The following VRK2 variants were observed in gnomAD, a reference collection of about 807,000 sequenced individuals.
VRK2 encodes the protein serine/threonine-protein kinase VRK2.
VRK2 carries 60 observed loss-of-function variants against 57.6 expected under a neutral mutation model. The observed-to-expected ratio is 1.04, with a 90% CI of 0.85 to 1.29. The LOEUF (loss-of-function observed/expected upper bound fraction) is 1.29. Among genes scored for constraint, VRK2 ranks in the 50% most tolerant of loss-of-function variants. The pLI is 0.00. For synonymous variants in VRK2, 231 were observed against 199.2 expected (o/e 1.16, Z -1.35); for missense variants, 705 against 588.1 (o/e 1.20, Z -2.06).
chr2:58,071,860 C>A (rs1669405236), intron 2 of VRK2, among the ~76,000 whole-genome samples: 1 of 151,908 alleles, frequency 6.6e-6, no homozygotes, highest in South Asian at 2.1e-4. Flanking sequence ...CTTTATATAT[C>A]AAGTTGAGGA....
intron 1 of VRK2, among the ~76,000 whole-genome samples, chr2:57,977,748 T>A (rs1355623105): frequency 6.6e-6 from 1 of 151,200 alleles, no homozygotes; most frequent in African/African-American, 2.5e-5. Context: ...GGGCTTCCAG[T>A]ACGATGTTGA....
intron 12 of VRK2, among the ~76,000 whole-genome samples, chr2:58,156,583 T>TTTTTGTTTTGTTTTG (rs200825336): frequency 6.9e-6 from 1 of 145,044 alleles, no homozygotes; most frequent in East Asian, 1.9e-4. Flanking sequence ...GGTGGTGTTT[T>TTTTTGTTTTGTTTTG]TTTTGTTTTG....
intron 2 of VRK2, among the ~76,000 whole-genome samples, chr2:58,071,326 T>C (rs1372093681): frequency 1.3e-5 from 2 of 152,102 alleles, no homozygotes; most frequent in African/African-American, 4.8e-5. Context: ...TTAACAGTTC[T>C]TTTCTTGCAT....
intron 10 of VRK2, among the ~76,000 whole-genome samples, chr2:58,138,908 T>C (rs1011163416): frequency 2.0e-5 from 3 of 152,190 alleles, no homozygotes; most frequent in African/African-American, 7.2e-5. Context: ...TACAAATATT[T>C]TAATGCAGTG....
intron 7 of VRK2, among the ~76,000 whole-genome samples, chr2:58,119,148 TAC>T (rs1179914461): frequency 6.6e-6 from 1 of 152,058 alleles, no homozygotes; most frequent in Non-Finnish European, 1.5e-5. Flanking sequence ...CGAGCAGAAG[TAC>T]AGAGAGAGAT....
chr2:58,048,458 C>A (rs563484653), intron 1 of VRK2: 2 of 846,702 alleles, frequency 2.4e-6, no homozygotes, highest in South Asian at 3.3e-5. Flanking sequence ...TCAGTGACAG[C>A]AATATTTCCA....
chr2:57,961,486 A>G (rs1292896159), intron 1 of VRK2, among the ~76,000 whole-genome samples: 1 of 152,214 alleles, frequency 6.6e-6, no homozygotes, highest in Non-Finnish European at 1.5e-5. Context: ...CAAGTCACAC[A>G]GCTAGGAAAT....
chr2:57,983,641 T>C (rs1446686022), intron 1 of VRK2, among the ~76,000 whole-genome samples: 1 of 152,204 alleles, frequency 6.6e-6, no homozygotes, highest in Non-Finnish European at 1.5e-5. Context: ...TTTCTCCTGC[T>C]GAAAAGTTTA....
chr2:58,111,924 T>G (rs1675630443), intron 7 of VRK2, among the ~76,000 whole-genome samples: 1 of 152,150 alleles, frequency 6.6e-6, no homozygotes, highest in Non-Finnish European at 1.5e-5. Context: ...TCACATATGG[T>G]TCTCTGTTAC....
chr2:58,054,074 A>T (rs1438176940), intron 2 of VRK2, among the ~76,000 whole-genome samples: 3 of 152,000 alleles, frequency 2.0e-5, no homozygotes, highest in African/African-American at 7.2e-5. Flanking sequence ...TTTATATTTA[A>T]ATTTTGAGTT....
At chr2:58,066,980 A>G (rs753826685) in intron 2 of VRK2, among the ~76,000 whole-genome samples, 1 of 152,196 alleles carries the variant, frequency 6.6e-6, no homozygotes, top group Non-Finnish European at 1.5e-5. Context: ...CCTCAACCTG[A>G]GTGGGCAGCA....
intron 2 of VRK2, chr2:58,058,293 G>A (rs1459897604): frequency 2.2e-6 from 1 of 459,670 alleles, no homozygotes; most frequent in Non-Finnish European, 4.5e-6. Context: ...CCTTTTAATA[G>A]GGATGCTGTA....
At chr2:58,070,329 C>T (rs1004923031) in intron 2 of VRK2, among the ~76,000 whole-genome samples, 1 of 152,030 alleles carries the variant, frequency 6.6e-6, no homozygotes, top group African/African-American at 2.4e-5. Flanking sequence ...GGGTTACAGA[C>T]GTGCACCACT....
At chr2:58,154,159 G>C (rs556381399) in intron 12 of VRK2, among the ~76,000 whole-genome samples, 7 of 151,968 alleles carry the variant, frequency 4.6e-5, no homozygotes, top group Non-Finnish European at 1.0e-4. Flanking sequence ...TTTCTTCCCA[G>C]ATACTGGTAG....
chr2:58,094,624 C>G (rs1672862117), intron 7 of VRK2, among the ~76,000 whole-genome samples: 1 of 152,190 alleles, frequency 6.6e-6, no homozygotes, highest in Admixed American at 6.5e-5. Context: ...TTGACTTCCT[C>G]TTTTCCTAAT....
At chr2:57,975,797 C>T (rs963339344) in intron 1 of VRK2, among the ~76,000 whole-genome samples, 72 of 151,234 alleles carry the variant, frequency 4.8e-4, no homozygotes, top group African/African-American at 1.7e-3. Context: ...CAGTTGGGTA[C>T]ATGTGCAGAT....
intron 1 of VRK2, among the ~76,000 whole-genome samples, chr2:57,971,006 T>G (rs1037945348): frequency 2.0e-5 from 3 of 152,048 alleles, no homozygotes; most frequent in Admixed American, 2.0e-4. Flanking sequence ...TGTAGTATTA[T>G]TTACATGTTG....
chr2:58,146,556 T>C (rs1367932483), intron 12 of VRK2, 82 bp downstream of exon 12: 2 of 1,468,404 alleles, frequency 1.4e-6, no homozygotes, highest in Admixed American at 2.1e-5. Context: ...CATCTTATTT[T>C]CTCCTGAGGG....
chr2:58,119,374 G>A (rs1677059240), intron 7 of VRK2, among the ~76,000 whole-genome samples: 1 of 150,988 alleles, frequency 6.6e-6, no homozygotes, highest in South Asian at 2.1e-4. Flanking sequence ...CCAGGCATGG[G>A]GCTGAGGCAG....
Sources: allele counts gnomAD v4.1 joint callset (sites outside exome capture counted in the v4.1 genomes callset), GRCh38; gene constraint gnomAD v4.1.1; transcripts MANE v1.5; gene names NCBI Gene and HGNC (gene_info 2026-07-23, HGNC 2026-07-21).